The following DOK6 variants were observed in gnomAD, a reference collection of about 807,000 sequenced individuals.
DOK6 encodes the protein downstream of tyrosine kinase 6.
A neutral mutation model predicts 44.0 loss-of-function variants in DOK6; 22 were observed. The observed-to-expected ratio is 0.50, with a 90% CI of 0.36 to 0.71. The LOEUF is 0.71. DOK6 is among the 30% of genes least tolerant of loss of function. The pLI, the probability that DOK6 is intolerant of heterozygous loss-of-function variation, is 0.00. For missense variants in DOK6, 340 were observed against 416.4 expected, an observed-to-expected ratio of 0.82 and a Z score of 1.60; for synonymous variants, 166 against 145.5, an observed-to-expected ratio of 1.14 and a Z score of -1.01.
intron 1 of DOK6, among the ~76,000 whole-genome samples, chr18:69,525,808 T>C (rs1981814716): frequency 6.6e-6 from 1 of 152,070 alleles, no homozygotes; most frequent in Non-Finnish European, 1.5e-5. Flanking sequence ...CATCGAAACT[T>C]TCACCTGCCA....
At chr18:69,514,839 A>ATT (rs543338373) in intron 1 of DOK6, among the ~76,000 whole-genome samples, 70 of 121,278 alleles carry the variant, frequency 5.8e-4, no homozygotes, top group African/African-American at 1.2e-3. Context: ...CTCCATATAT[A>ATT]TTTTTTTTTT....
chr18:69,533,663 G>C (rs9956018), intron 1 of DOK6, among the ~76,000 whole-genome samples: 2 of 151,792 alleles, frequency 1.3e-5, no homozygotes, highest in Non-Finnish European at 2.9e-5. Context: ...TAAGTTATGA[G>C]ATAATGAATT....
intron 7 of DOK6, among the ~76,000 whole-genome samples, chr18:69,772,556 C>T (rs1026507640): frequency 2.8e-4 from 42 of 151,922 alleles, no homozygotes; most frequent in African/African-American, 4.3e-4. Flanking sequence ...AGAAACAAAT[C>T]GCAACATTAT....
intron 3 of DOK6, among the ~76,000 whole-genome samples, chr18:69,644,888 G>T (rs1304146650): frequency 6.6e-6 from 1 of 152,134 alleles, no homozygotes; most frequent in East Asian, 1.9e-4. Flanking sequence ...CCCAATTCTT[G>T]CTGCATATTT....
chr18:69,505,791 C>T (rs1267423018), intron 1 of DOK6, among the ~76,000 whole-genome samples: 2 of 151,912 alleles, frequency 1.3e-5, no homozygotes, highest in African/African-American at 2.4e-5. Context: ...GCCACCATGC[C>T]GGGCCCACAC....
At position 69,573,323 on chromosome 18, in the gene DOK6, T is replaced by A. The variant is rs151080171; in HGVS notation, c.174+8729T>A. Among the ~76,000 whole-genome samples, 322 of 152,030 alleles carry A rather than the reference T, an allele frequency of 2.1e-3. 3 individuals carry two copies. Among genetic ancestry groups the A allele is most frequent in the African/African-American group, 7.4e-3 (309 of 41,538 alleles). On this transcript the variant is annotated intron_variant, in intron 2 of 7. Transcript: ENST00000382713. Reference sequence around the variant, plus strand: ...AGAACAGGAACAGTTAAGGGAATCATCTTGTGATTAAAAACTACACAGACT... The same window carrying A: ...AGAACAGGAACAGTTAAGGGAATCAACTTGTGATTAAAAACTACACAGACT...
intron 7 of DOK6, among the ~76,000 whole-genome samples, chr18:69,783,074 C>T (rs527595970): frequency 1.1e-4 from 16 of 152,324 alleles, no homozygotes; most frequent in African/African-American, 3.8e-4. Flanking sequence ...AGACATGACC[C>T]AGGCAATGAA....
chr18:69,749,729 A>C (rs1174726535), intron 6 of DOK6, among the ~76,000 whole-genome samples: 1 of 152,146 alleles, frequency 6.6e-6, no homozygotes, highest in Non-Finnish European at 1.5e-5. Context: ...TCATGAGGTC[A>C]AGAGATCGAG....
chr18:69,769,728 C>A (rs1404339981), intron 7 of DOK6, among the ~76,000 whole-genome samples: 2 of 152,024 alleles, frequency 1.3e-5, no homozygotes, highest in Non-Finnish European at 2.9e-5. Context: ...TTAAAAATCC[C>A]AATAATTAAT....
intron 7 of DOK6, among the ~76,000 whole-genome samples, chr18:69,812,266 C>G (rs1020984142): frequency 6.6e-6 from 1 of 152,078 alleles, no homozygotes; most frequent in Non-Finnish European, 1.5e-5. Flanking sequence ...TAACTCAATT[C>G]AATTGCAAGA....
chr18:69,693,462 A>G (rs1986313966), intron 4 of DOK6, among the ~76,000 whole-genome samples: 1 of 152,216 alleles, frequency 6.6e-6, no homozygotes, highest in South Asian at 2.1e-4. Context: ...TTTAATACAT[A>G]AATTCCAAAA....
intron 7 of DOK6, among the ~76,000 whole-genome samples, chr18:69,802,793 T>C (rs1035997772): frequency 9.9e-5 from 15 of 152,192 alleles, no homozygotes; most frequent in Non-Finnish European, 1.5e-4. Flanking sequence ...GCTGGCACCA[T>C]GCTTGTACAG....
intron 1 of DOK6, among the ~76,000 whole-genome samples, chr18:69,558,126 G>A (rs1359557151): frequency 9.2e-5 from 14 of 152,114 alleles, no homozygotes; most frequent in African/African-American, 2.9e-4. Flanking sequence ...GTGATTTCCT[G>A]GTCTCGGGCA....
chr18:69,576,705 T>G (rs1983246520), intron 2 of DOK6, among the ~76,000 whole-genome samples: 1 of 152,160 alleles, frequency 6.6e-6, no homozygotes, highest in Non-Finnish European at 1.5e-5. Flanking sequence ...AATCACTAGC[T>G]GCTGAGGGAA....
chr18:69,698,024 C>T (rs1986426307), intron 4 of DOK6, among the ~76,000 whole-genome samples: 4 of 152,102 alleles, frequency 2.6e-5, no homozygotes. Flanking sequence ...ATAAGACATC[C>T]CTCGCTGGAA....
rs1014276885 is a variant in DOK6, at chr18:69,607,430, C to T, written c.289+7932C>T. On this transcript the variant is annotated intron_variant, in intron 3 of 7. Transcript: ENST00000382713. ...CAGGAAAAAGGTAAATATTCGAGAG[C>T]GATTTAATTACTATATAAAGGAAAA... 2.9e-4 allele frequency among the ~76,000 whole-genome samples: 44 copies of T among 151,684 alleles called. 1 individual carries two copies. Among genetic ancestry groups the T allele is most frequent in the Non-Finnish European group, 5.9e-5 (4 of 67,922 alleles).
intron 1 of DOK6, among the ~76,000 whole-genome samples, chr18:69,404,609 C>T (rs1453397514): frequency 6.6e-6 from 1 of 152,044 alleles, no homozygotes; most frequent in Non-Finnish European, 1.5e-5. Flanking sequence ...TAGACACAGA[C>T]CTCACATCAT....
intron 5 of DOK6, among the ~76,000 whole-genome samples, chr18:69,727,122 G>A (rs1003320908): frequency 6.6e-6 from 1 of 152,114 alleles, no homozygotes; most frequent in East Asian, 1.9e-4. Flanking sequence ...GCCTCCCAGA[G>A]TGCTTGGTTA....
chr18:69,633,142 C>T (rs900483750), intron 3 of DOK6, among the ~76,000 whole-genome samples: 6 of 152,114 alleles, frequency 3.9e-5, no homozygotes, highest in East Asian at 1.9e-4. Context: ...GTTTTCTTCC[C>T]AGAGTACATG....
Sources: allele counts gnomAD v4.1 joint callset (sites outside exome capture counted in the v4.1 genomes callset), GRCh38; gene constraint gnomAD v4.1.1; transcripts MANE v1.5; gene names NCBI Gene and HGNC (gene_info 2026-07-23, HGNC 2026-07-21).